Variants in ZDHHC21 observed in about 807,000 individuals in gnomAD.
The protein encoded by ZDHHC21 is palmitoyltransferase ZDHHC21.
Under a neutral mutation model 34.6 loss-of-function variants are expected in ZDHHC21, and 15 were observed. That is an observed-to-expected ratio of 0.43 (90% CI 0.29 to 0.67). The LOEUF is 0.67. Ranked by LOEUF, ZDHHC21 falls within the 30% of genes least tolerant of loss-of-function variation. The pLI, the probability that ZDHHC21 is intolerant of heterozygous loss-of-function variation, is 0.14. For synonymous variants in ZDHHC21, 142 were observed against 101.8 expected (o/e 1.40, Z -2.38); for missense variants, 344 against 327.7 (o/e 1.05, Z -0.38).
At chr9:14,657,258 T>C (rs1176096894) in intron 7 of ZDHHC21, among the ~76,000 whole-genome samples, 2 of 152,082 alleles carry the variant, frequency 1.3e-5, no homozygotes, top group Non-Finnish European at 2.9e-5. Context: ...AAAAATTGTT[T>C]CCTCCCTCTG....
At chr9:14,661,839 A>G (rs2133943176) in intron 6 of ZDHHC21, among the ~76,000 whole-genome samples, 1 of 152,330 alleles carries the variant, frequency 6.6e-6, no homozygotes, top group East Asian at 1.9e-4. Flanking sequence ...AAGGGGATAT[A>G]AACATTCGGA....
chr9:14,595,549 T>G, the ZDHHC21 span, among the ~76,000 whole-genome samples: 3 of 152,152 alleles, frequency 2.0e-5, no homozygotes, highest in Admixed American at 6.5e-5. Context: ...TTGGTGAAGG[T>G]TGTACAACTA....
At chr9:14,596,923 G>A in the ZDHHC21 span, among the ~76,000 whole-genome samples, 1 of 152,140 alleles carries the variant, frequency 6.6e-6, no homozygotes, top group Non-Finnish European at 1.5e-5. Flanking sequence ...CATGGAAGGA[G>A]AGAGAAGTGA....
chr9:14,663,346 G>C (rs1309883322), intron 5 of ZDHHC21, among the ~76,000 whole-genome samples: 1 of 152,030 alleles, frequency 6.6e-6, no homozygotes, highest in East Asian at 1.9e-4. Context: ...TTTAGTACAT[G>C]AAGAGTAGGA....
At chr9:14,591,689 T>C in the ZDHHC21 span, among the ~76,000 whole-genome samples, 2 of 152,262 alleles carry the variant, frequency 1.3e-5, no homozygotes, top group East Asian at 3.9e-4. Context: ...CTAGTAATCA[T>C]CGTATTGTCC....
At chr9:14,657,886 G>A (rs1300276152) in intron 7 of ZDHHC21, among the ~76,000 whole-genome samples, 1 of 151,994 alleles carries the variant, frequency 6.6e-6, no homozygotes, top group African/African-American at 2.4e-5. Flanking sequence ...GATTACTCCA[G>A]GGAATATGTA....
At position 14,679,040 on chromosome 9, in the gene ZDHHC21, C is replaced by T. The variant is rs1408124068; in HGVS notation, c.-46+993G>A. 6.6e-5 allele frequency among the ~76,000 whole-genome samples: 10 copies of T among 152,022 alleles called. No individual in the cohort carries two copies. In the South Asian group the frequency reaches 8.3e-4, roughly 13 times the overall value. ...ATGAGGGAACTCTCTGTGGTGCTAA[C>T]AAGCATGTTTCTATTGATAATGGAG... On this transcript the variant is annotated intron_variant, in intron 3 of 9. Transcript: ENST00000380916.
chr9:14,628,951 T>C (rs1826816900), intron 8 of ZDHHC21, among the ~76,000 whole-genome samples: 1 of 152,200 alleles, frequency 6.6e-6, no homozygotes, highest in African/African-American at 2.4e-5. Context: ...AAACCCTTTT[T>C]AATTTCTTTT....
At chr9:14,605,749 G>C in the ZDHHC21 span, among the ~76,000 whole-genome samples, 1 of 152,148 alleles carries the variant, frequency 6.6e-6, no homozygotes, top group Admixed American at 6.5e-5. Flanking sequence ...TTATCTCCAA[G>C]AAGTCAACAA....
At chr9:14,592,061 T>C in the ZDHHC21 span, among the ~76,000 whole-genome samples, 5 of 152,142 alleles carry the variant, frequency 3.3e-5, no homozygotes, top group South Asian at 4.1e-4. Flanking sequence ...TTGGTACAAT[T>C]GGATGTCTGC....
At chr9:14,592,839 A>C in the ZDHHC21 span, among the ~76,000 whole-genome samples, 4 of 152,200 alleles carry the variant, frequency 2.6e-5, no homozygotes, top group South Asian at 2.1e-4. Flanking sequence ...CAAAGGAATT[A>C]AATTAGAAAT....
the ZDHHC21 span, among the ~76,000 whole-genome samples, chr9:14,590,519 T>C: frequency 6.6e-6 from 1 of 151,592 alleles, no homozygotes; most frequent in African/African-American, 2.4e-5. Flanking sequence ...AAAAATGACA[T>C]ATTGAATAAA....
chr9:14,674,461 A>G, intron 3 of ZDHHC21, 76 bp from the exon 4 acceptor site: 1 of 825,976 alleles, frequency 1.2e-6, no homozygotes, highest in Non-Finnish European at 1.8e-6. Flanking sequence ...GGCAACTTTT[A>G]TAAAATGACA....
chr9:14,654,223 T>G (rs1831776309), intron 7 of ZDHHC21, among the ~76,000 whole-genome samples: 1 of 152,044 alleles, frequency 6.6e-6, no homozygotes, highest in Admixed American at 6.6e-5. Context: ...GAAACTAGTC[T>G]TTCACAAAGA....
the ZDHHC21 span, among the ~76,000 whole-genome samples, chr9:14,591,172 G>A: frequency 6.6e-6 from 1 of 152,052 alleles, no homozygotes; most frequent in East Asian, 1.9e-4. Context: ...AAAAAAGGCA[G>A]GAAAAGGGAA....
the ZDHHC21 span, among the ~76,000 whole-genome samples, chr9:14,596,920 G>A: frequency 6.6e-6 from 1 of 152,168 alleles, no homozygotes; most frequent in South Asian, 2.1e-4. Flanking sequence ...AGGCATGGAA[G>A]GAGAGAGAAG....
At chr9:14,628,884 T>G (rs1202394858) in intron 8 of ZDHHC21, among the ~76,000 whole-genome samples, 1 of 152,158 alleles carries the variant, frequency 6.6e-6, no homozygotes, top group Admixed American at 6.6e-5. Context: ...GCATTAGACT[T>G]TTAAATAATC....
At position 14,683,205 on chromosome 9, in the gene ZDHHC21, TAGAG is replaced by T. The variant is rs532032785; in HGVS notation, c.-175-3047_-175-3044del. 5.3e-3 allele frequency among the ~76,000 whole-genome samples: 810 copies of T among 151,946 alleles called. 11 individuals carry two copies. Among genetic ancestry groups the T allele is most frequent in the African/African-American group, 0.017 (723 of 41,446 alleles). ...AAGATCAAAGCAGAACTGAAGGAGATAGAGAGACAAAAAACCCTTCAAAAAAATC... is the reference window on the plus strand; with the variant it reads ...AAGATCAAAGCAGAACTGAAGGAGATAGACAAAAAACCCTTCAAAAAAATC... On this transcript the variant is annotated intron_variant, in intron 2 of 9. Transcript: ENST00000380916.
chr9:14,593,831 G>A, the ZDHHC21 span: 1 of 152,564 alleles, frequency 6.6e-6, no homozygotes, highest in South Asian at 2.1e-4. Flanking sequence ...CGGTGCCCCA[G>A]GGTGAAGGGC....
Sources: gnomAD v4.1 joint callset for allele counts (sites outside exome capture counted in the v4.1 genomes callset) on GRCh38, gnomAD v4.1.1 for gene constraint, MANE v1.5 for transcripts, NCBI Gene and HGNC (gene_info 2026-07-23, HGNC 2026-07-21) for gene names.